The following SLC22A24 variants were observed in gnomAD, a reference collection of about 807,000 sequenced individuals.
SLC22A24 encodes steroid transmembrane transporter SLC22A24.
In SLC22A24, 53 loss-of-function variants were observed where a neutral mutation model predicts 49.8. That is an observed-to-expected ratio of 1.06 (90% CI 0.85 to 1.34). The LOEUF (loss-of-function observed/expected upper bound fraction) is 1.34. Ranked by LOEUF, SLC22A24 falls within the 40% of genes most tolerant of loss-of-function variation. The pLI is 0.00. For missense variants in SLC22A24, 786 were observed against 675.9 expected (o/e 1.16, Z -1.81); for synonymous variants, 302 against 256.4 (o/e 1.18, Z -1.70).
intron 2 of SLC22A24, among the ~76,000 whole-genome samples, chr11:63,132,216 G>T (rs1474295580): frequency 6.6e-6 from 1 of 152,102 alleles, no homozygotes; most frequent in Admixed American, 6.6e-5. Flanking sequence ...TCCTTGAAAT[G>T]GGTTAGAACA....
intron 6 of SLC22A24, among the ~76,000 whole-genome samples, chr11:63,086,054 G>A (rs2135192992): frequency 6.6e-6 from 1 of 152,294 alleles, no homozygotes; most frequent in South Asian, 2.1e-4. Flanking sequence ...GGTGAGGATG[G>A]AGAGATAAGA....
chr11:63,085,255 A>AGCAACGTATAAT (rs1413361553), intron 6 of SLC22A24, among the ~76,000 whole-genome samples: 5 of 152,170 alleles, frequency 3.3e-5, no homozygotes, highest in African/African-American at 9.6e-5. Context: ...ATACCAATGT[A>AGCAACGTATAAT]GCAACGTATA....
chr11:63,088,505 A>G lies in SLC22A24; in HGVS notation c.1071-5048T>C, dbSNP rs190665517. ...CAGTGCAAAAATGCTGAAAATTGCA[A>G]AAACCAGAATGCCTCTTCTCTCCAA... On this transcript the variant is annotated intron_variant, in intron 6 of 9. Transcript: ENST00000612278. Among the ~76,000 whole-genome samples, 396 of 152,290 alleles carry G rather than the reference A, an allele frequency of 2.6e-3. 1 individual carries two copies. The highest frequency in any genetic ancestry group is 8.9e-3 in the African/African-American group (368 of 41,564).
chr11:63,131,415 C>A (rs562753103), intron 2 of SLC22A24, among the ~76,000 whole-genome samples: 1 of 152,256 alleles, frequency 6.6e-6, no homozygotes, highest in South Asian at 2.1e-4. Flanking sequence ...GTGGCTGGTA[C>A]TGGTTGTTCC....
chr11:63,120,310 G>T, intron 2 of SLC22A24, among the ~76,000 whole-genome samples: 1 of 110,684 alleles, frequency 9.0e-6, no homozygotes, highest in Middle Eastern at 5.6e-3. Flanking sequence ...TTGTGGGGTG[G>T]GGGGAGGGGG....
At chr11:63,135,439 T>C (rs1269314856) in intron 1 of SLC22A24, among the ~76,000 whole-genome samples, 1 of 152,236 alleles carries the variant, frequency 6.6e-6, no homozygotes, top group Non-Finnish European at 1.5e-5. Context: ...CCAAATACTT[T>C]ACAAATTATA....
chr11:63,142,169 T>A (rs892428019), intron 1 of SLC22A24, among the ~76,000 whole-genome samples: 3 of 152,266 alleles, frequency 2.0e-5, no homozygotes, highest in African/African-American at 7.2e-5. Context: ...TGGAAGCCCA[T>A]CCAGGCCTGC....
intron 5 of SLC22A24, among the ~76,000 whole-genome samples, chr11:63,098,719 G>A (rs1030698618): frequency 6.6e-6 from 1 of 151,956 alleles, no homozygotes; most frequent in Non-Finnish European, 1.5e-5. Flanking sequence ...ATCTAATGAT[G>A]TGTCTTACAG....
chr11:63,131,247 T>C (rs1028552900), intron 2 of SLC22A24, among the ~76,000 whole-genome samples: 2 of 152,168 alleles, frequency 1.3e-5, no homozygotes, highest in Non-Finnish European at 2.9e-5. Flanking sequence ...CCAGTCTGTG[T>C]CTTTTGATTG....
intron 4 of SLC22A24, among the ~76,000 whole-genome samples, chr11:63,109,246 G>C (rs1191198637): frequency 1.2e-4 from 18 of 145,484 alleles, no homozygotes; most frequent in Non-Finnish European, 2.0e-4. Flanking sequence ...CAGTCTATCA[G>C]TGTTGGACAT....
At chr11:63,114,083 G>T (rs894158737) in intron 4 of SLC22A24, among the ~76,000 whole-genome samples, 3 of 152,032 alleles carry the variant, frequency 2.0e-5, no homozygotes, top group Non-Finnish European at 2.9e-5. Context: ...CATGTTCTCT[G>T]TATTTCCTGA....
chr11:63,096,359 G>A (rs1275422786), intron 5 of SLC22A24, among the ~76,000 whole-genome samples: 1 of 152,146 alleles, frequency 6.6e-6, no homozygotes, highest in East Asian at 1.9e-4. Flanking sequence ...ATAGGTAAAA[G>A]CATTAACAAA....
chr11:63,109,909 T>C (rs1193511111), intron 4 of SLC22A24, among the ~76,000 whole-genome samples: 2 of 152,114 alleles, frequency 1.3e-5, no homozygotes, highest in African/African-American at 4.8e-5. Flanking sequence ...GTTTTAGACA[T>C]GAGGTCCTTG....
intron 4 of SLC22A24, among the ~76,000 whole-genome samples, chr11:63,118,084 G>A (rs990780984): frequency 6.6e-6 from 1 of 152,180 alleles, no homozygotes; most frequent in Non-Finnish European, 1.5e-5. Flanking sequence ...TTTGAGTCAG[G>A]TCAAATAGAG....
intron 4 of SLC22A24, 140 bp from the exon 5 acceptor site, chr11:63,104,438 T>C: frequency 2.5e-6 from 2 of 794,170 alleles, no homozygotes; most frequent in Non-Finnish European, 3.9e-6. Flanking sequence ...ATTGGCCTCC[T>C]CTGCTGGACT....
At chr11:63,139,054 G>A (rs2087396239) in intron 1 of SLC22A24, among the ~76,000 whole-genome samples, 1 of 152,148 alleles carries the variant, frequency 6.6e-6, no homozygotes, top group Admixed American at 6.5e-5. Context: ...TTAAAAGTCA[G>A]CTTAATTAAA....
chr11:63,135,184 C>T lies in SLC22A24; in HGVS notation c.403-416G>A, dbSNP rs745500516. Among the ~76,000 whole-genome samples the T allele has an allele frequency of 5.4e-4, 82 of 152,162 alleles. 1 individual carries two copies. Among genetic ancestry groups the T allele is most frequent in the Non-Finnish European group, 1.0e-3 (69 of 68,030 alleles). Reference sequence around the variant, plus strand: ...AACCCCCACAATCTTTCTAAGAAGGCTTCCCTCATCATGTAGGTAACATAT... The same window carrying T: ...AACCCCCACAATCTTTCTAAGAAGGTTTCCCTCATCATGTAGGTAACATAT... On this transcript the variant is annotated intron_variant, in intron 1 of 9. Coordinates refer to ENST00000612278, the MANE Select transcript of SLC22A24 (RefSeq NM_001136506.2).
chr11:63,099,632 T>C (rs2087078482), intron 5 of SLC22A24, among the ~76,000 whole-genome samples: 2 of 152,066 alleles, frequency 1.3e-5, no homozygotes, highest in South Asian at 2.1e-4. Flanking sequence ...AAAAGAAAAC[T>C]ACAGGTTAAT....
chr11:63,084,654 G>A (rs1421118084), intron 6 of SLC22A24, among the ~76,000 whole-genome samples: 4 of 152,150 alleles, frequency 2.6e-5, no homozygotes, highest in South Asian at 4.1e-4. Context: ...GCATCCAACA[G>A]TTACCAATGC....
Sources: gnomAD v4.1 joint callset for allele counts (sites outside exome capture counted in the v4.1 genomes callset) on GRCh38, gnomAD v4.1.1 for gene constraint, MANE v1.5 for transcripts, NCBI Gene and HGNC (gene_info 2026-07-23, HGNC 2026-07-21) for gene names.